Variants in COL5A2 observed in about 807,000 individuals in gnomAD.
The protein encoded by COL5A2 is collagen type V alpha 2 chain, also known as collagen alpha-2(V) chain.
In COL5A2, 23 loss-of-function variants were observed where a neutral mutation model predicts 208.2. That is an observed-to-expected ratio of 0.11 (90% CI 0.08 to 0.16). COL5A2 has a LOEUF of 0.16. COL5A2 is among the 10% of genes least tolerant of loss of function. The pLI, the probability that COL5A2 is intolerant of heterozygous loss-of-function variation, is 1.00. For synonymous variants in COL5A2, 625 were observed against 628.5 expected (o/e 0.99, Z 0.08); for missense variants, 1,590 against 1,956.4 (o/e 0.81, Z 3.53).
At position 189,032,552 on chromosome 2, in the gene COL5A2, A is replaced by T. The variant is rs541070195; in HGVS notation, c.*1518T>A. 1.3e-5 allele frequency: 2 copies of T among 152,288 alleles called. No homozygotes were observed. The highest frequency in any genetic ancestry group is 4.1e-4 in the South Asian group (2 of 4,828). 9.4% of individuals were successfully genotyped at this position (152,288 alleles called of 1,614,324 possible). A position where few individuals can be genotyped will look rare whatever the true frequency, so the allele number is the denominator to read the frequency against. ...GCGTGCATTTAATTTGATGCTTTGC[A>T]GAGATACATGACCAAAGTTGTATGC... is the stretch of plus-strand genomic sequence containing the variant. On this transcript the variant is annotated 3_prime_UTR_variant, in exon 54 of 54. Transcript: ENST00000374866.
At chr2:189,165,376 T>C (rs563356067) in intron 1 of COL5A2, among the ~76,000 whole-genome samples, 1 of 152,322 alleles carries the variant, frequency 6.6e-6, no homozygotes, top group Admixed American at 6.5e-5. Flanking sequence ...CTCCCAGTTA[T>C]AGTTTTTCCT....
chr2:189,344,335 G>C, the COL5A2 span, among the ~76,000 whole-genome samples: 1 of 152,050 alleles, frequency 6.6e-6, no homozygotes, highest in Non-Finnish European at 1.5e-5. Context: ...AAAACTCTCG[G>C]GTCAAACAGC....
chr2:189,324,558 T>G, the COL5A2 span, among the ~76,000 whole-genome samples: 1 of 152,030 alleles, frequency 6.6e-6, no homozygotes, highest in East Asian at 1.9e-4. Context: ...AACAGACACA[T>G]GAAAAAATGC....
the COL5A2 span, among the ~76,000 whole-genome samples, chr2:189,249,843 C>T: frequency 1.3e-5 from 2 of 152,126 alleles, no homozygotes; most frequent in Non-Finnish European, 2.9e-5. Context: ...ATTATAGGTG[C>T]CCGCCACCAC....
At chr2:189,195,055 C>T (rs1218475921) in intron 1 of COL5A2, among the ~76,000 whole-genome samples, 1 of 152,122 alleles carries the variant, frequency 6.6e-6, no homozygotes, top group African/African-American at 2.4e-5. Context: ...TGACATGATT[C>T]TCTATTTAGA....
chr2:189,283,431 T>C, the COL5A2 span, among the ~76,000 whole-genome samples: 1 of 151,982 alleles, frequency 6.6e-6, no homozygotes, highest in South Asian at 2.1e-4. Context: ...ATAACCCCAG[T>C]CTAATCATGA....
the COL5A2 span, among the ~76,000 whole-genome samples, chr2:189,304,729 T>G: frequency 2.8e-4 from 42 of 152,304 alleles, no homozygotes; most frequent in African/African-American, 1.0e-3. Flanking sequence ...CAGGGACAAA[T>G]AGCCAAACTA....
the COL5A2 span, among the ~76,000 whole-genome samples, chr2:189,242,662 T>C: frequency 2.0e-5 from 3 of 152,204 alleles, no homozygotes; most frequent in East Asian, 5.8e-4. Flanking sequence ...TATACTGTAA[T>C]GCCAAAAATG....
chr2:189,060,678 T>C (rs925731646), intron 31 of COL5A2, 52 bp downstream of exon 31: 8 of 1,443,764 alleles, frequency 5.5e-6, no homozygotes, highest in African/African-American at 1.4e-5. Flanking sequence ...TAAAAAGTGA[T>C]AATTGAGCCA....
At chr2:189,169,362 T>C (rs2105815322) in intron 1 of COL5A2, among the ~76,000 whole-genome samples, 1 of 152,322 alleles carries the variant, frequency 6.6e-6, no homozygotes, top group East Asian at 1.9e-4. Context: ...GGGGCAGTGA[T>C]GCTTCAGATC....
the COL5A2 span, among the ~76,000 whole-genome samples, chr2:189,373,926 G>A: frequency 6.6e-6 from 1 of 152,108 alleles, no homozygotes; most frequent in Non-Finnish European, 1.5e-5. Flanking sequence ...TTGCTTTCAC[G>A]TACCTATTTT....
chr2:189,125,505 A>C (rs2105743768), intron 1 of COL5A2, among the ~76,000 whole-genome samples: 1 of 151,940 alleles, frequency 6.6e-6, no homozygotes, highest in African/African-American at 2.4e-5. Flanking sequence ...CCCTAGACAA[A>C]CCCCTTCTCT....
intron 1 of COL5A2, among the ~76,000 whole-genome samples, chr2:189,119,001 T>C (rs926305786): frequency 6.6e-6 from 1 of 152,126 alleles, no homozygotes; most frequent in African/African-American, 2.4e-5. Flanking sequence ...TCTTCATATT[T>C]AGTTTATCCC....
the COL5A2 span, among the ~76,000 whole-genome samples, chr2:189,271,175 A>G: frequency 6.6e-6 from 1 of 152,138 alleles, no homozygotes; most frequent in Admixed American, 6.6e-5. Flanking sequence ...TTCATATGGA[A>G]CCAAAAAACA....
chr2:189,194,471 C>T (rs539580234), intron 1 of COL5A2, among the ~76,000 whole-genome samples: 1 of 152,216 alleles, frequency 6.6e-6, no homozygotes, highest in South Asian at 2.1e-4. Flanking sequence ...TGACATAATG[C>T]TTTTTTTCCA....
the COL5A2 span, among the ~76,000 whole-genome samples, chr2:189,352,631 T>C: frequency 6.6e-6 from 1 of 152,180 alleles, no homozygotes; most frequent in South Asian, 2.1e-4. Context: ...CTTTGCCCAC[T>C]TTTTGACGGG....
At chr2:189,144,097 G>A (rs1687991789) in intron 1 of COL5A2, among the ~76,000 whole-genome samples, 1 of 152,064 alleles carries the variant, frequency 6.6e-6, no homozygotes, top group African/African-American at 2.4e-5. Context: ...TATGGCAAGG[G>A]GTGTGGACAT....
intron 29 of COL5A2, 119 bp from the exon 30 acceptor site, chr2:189,061,734 T>A (rs551645126): frequency 1.2e-6 from 1 of 817,872 alleles, no homozygotes; most frequent in Non-Finnish European, 2.1e-6. Context: ...CATGTTTTTC[T>A]CTTTAGCCAG....
the COL5A2 span, among the ~76,000 whole-genome samples, chr2:189,237,817 C>A: frequency 6.6e-6 from 1 of 151,710 alleles, no homozygotes; most frequent in Admixed American, 6.6e-5. Context: ...TTAAATGTGG[C>A]GAAGTAATTA....
Sources: gnomAD v4.1 joint callset for allele counts (sites outside exome capture counted in the v4.1 genomes callset) on GRCh38, gnomAD v4.1.1 for gene constraint, MANE v1.5 for transcripts, NCBI Gene and HGNC (gene_info 2026-07-23, HGNC 2026-07-21) for gene names.